The following ADAMTSL2 variants were observed in gnomAD, a reference collection of about 807,000 sequenced individuals.
The protein encoded by ADAMTSL2 is ADAMTS like 2.
A neutral mutation model predicts 117.0 loss-of-function variants in ADAMTSL2; 55 were observed. That is an observed-to-expected ratio of 0.47 (90% CI 0.38 to 0.59). The LOEUF is 0.59. ADAMTSL2 is among the 20% of genes least tolerant of loss of function. The pLI, the probability that ADAMTSL2 is intolerant of heterozygous loss-of-function variation, is 0.00. For missense variants in ADAMTSL2, 1,182 were observed against 1,354.5 expected, an observed-to-expected ratio of 0.87 and a Z score of 2.00; for synonymous variants, 572 against 566.4, an observed-to-expected ratio of 1.01 and a Z score of -0.14.
chr9:133,575,016 C>T lies in ADAMTSL2; in HGVS notation c.*152C>T, dbSNP rs971411039. On this transcript the variant is annotated 3_prime_UTR_variant, in exon 19 of 19. Coordinates refer to ENST00000651351, the MANE Select transcript of ADAMTSL2 (RefSeq NM_014694.4). Reference sequence around the variant, plus strand: ...TCGGCTGTCGAGAGGGGACTTCCCACGGCCCGTGGACCTTTGTGCTCCTGG... The same window carrying T: ...TCGGCTGTCGAGAGGGGACTTCCCATGGCCCGTGGACCTTTGTGCTCCTGG... The T allele has an allele frequency of 3.3e-5, 22 of 659,326 alleles. No homozygotes were observed. The highest frequency in any genetic ancestry group is 7.2e-5 in the African/African-American group (4 of 55,624). The allele number at this position is 659,326 out of a possible 1,614,324, so 40.8% of individuals were successfully genotyped here.
At chr9:133,551,918 C>G (rs1191461794) in intron 9 of ADAMTSL2, among the ~76,000 whole-genome samples, 1 of 151,424 alleles carries the variant, frequency 6.6e-6, no homozygotes, top group Admixed American at 6.6e-5. Context: ...CAACCTCCGC[C>G]TCCTAGGTTC....
rs1830665192 is a variant in ADAMTSL2, at chr9:133,558,852, G to A, written c.1650-2346G>A. Among the ~76,000 whole-genome samples the A allele has an allele frequency of 6.6e-6, 1 of 152,270 alleles. No individual in the cohort carries two copies. Among genetic ancestry groups the A allele is most frequent in the Non-Finnish European group, 1.5e-5 (1 of 68,046 alleles). On this transcript the variant is annotated intron_variant, in intron 11 of 18. Coordinates refer to ENST00000651351, the MANE Select transcript of ADAMTSL2 (RefSeq NM_014694.4). The surrounding 1 kb of genome is among the most constrained non-coding windows in gnomAD (Gnocchi z 4.3). ...AACGGAACCTGCTAGGCGTTGCATT[G>A]TTGTGCAAATATATGCAGGGTTATG...
At chr9:133,564,270 GAGAA>G (rs1313956369) in intron 12 of ADAMTSL2, among the ~76,000 whole-genome samples, 7 of 59,522 alleles carry the variant, frequency 1.2e-4, no homozygotes, top group Non-Finnish European at 2.1e-4. Flanking sequence ...GGGAGAGAGA[GAGAA>G]AGAGGGAGAG....
In ADAMTSL2 at chr9:133,555,972, G is replaced by A. The variant is rs1396239447; in HGVS notation, c.1649+42G>A. The A allele has an allele frequency of 1.6e-5, 25 of 1,598,564 alleles. No homozygotes were observed. In the East Asian group the frequency reaches 4.7e-4, roughly 30 times the overall value. ...TGAGCCCTGTCCAGGGCCCTCAGGG[G>A]GCAGGATGGGGCCGAGGCCAGGTAG... On this transcript the variant is annotated intron_variant, in intron 11 of 18. Transcript: ENST00000651351.
rs1195949368 is a variant in ADAMTSL2 at position 133,554,945 on chromosome 9, A to C, written c.1276+252A>C. ...GGGAGACTGAGGCTTAGAAAGAGGAAGTGGCTTGGCCAAGTCATGCAGTCC... is the reference window on the plus strand; with the variant it reads ...GGGAGACTGAGGCTTAGAAAGAGGACGTGGCTTGGCCAAGTCATGCAGTCC... On this transcript the variant is annotated intron_variant, in intron 10 of 18. Transcript: ENST00000651351. The surrounding 1 kb of genome is among the most constrained non-coding windows in gnomAD (Gnocchi z 5.2). Among the ~76,000 whole-genome samples, 1 of 152,122 alleles carries C rather than the reference A, an allele frequency of 6.6e-6. No individual in the cohort carries two copies. Among genetic ancestry groups the C allele is most frequent in the Non-Finnish European group, 1.5e-5 (1 of 68,016 alleles).
At chr9:133,536,105 C>A (rs1830044122) in intron 1 of ADAMTSL2, among the ~76,000 whole-genome samples, 1 of 152,230 alleles carries the variant, frequency 6.6e-6, no homozygotes, top group African/African-American at 2.4e-5. Context: ...CCGGCTGTTG[C>A]TGGATGCTGA....
intron 16 of ADAMTSL2, among the ~76,000 whole-genome samples, chr9:133,569,991 A>T (rs1831067164): frequency 6.6e-6 from 1 of 152,216 alleles, no homozygotes. Context: ...TGCTCTCCAC[A>T]AATTGCTTTC....
chr9:133,557,780 AG>A lies in ADAMTSL2; in HGVS notation c.1649+1852del, dbSNP rs762652723. 6.6e-6 allele frequency among the ~76,000 whole-genome samples: 1 copy of A among 152,218 alleles called. No homozygotes were observed. The highest frequency in any genetic ancestry group is 1.5e-5 in the Non-Finnish European group (1 of 68,036). Reference sequence around the variant, plus strand: ...GTGGCAGCAGTGGGGGGTGCCTTTCAGGACCCACTGCCTGGGTCAGGGAGGC... The same window carrying A: ...GTGGCAGCAGTGGGGGGTGCCTTTCAGACCCACTGCCTGGGTCAGGGAGGC... On this transcript the variant is annotated intron_variant, in intron 11 of 18. Coordinates refer to ENST00000651351, the MANE Select transcript of ADAMTSL2 (RefSeq NM_014694.4). The surrounding 1 kb of genome is among the most constrained non-coding windows in gnomAD (Gnocchi z 5.2).
chr9:133,564,131 A>G (rs1487710733), intron 12 of ADAMTSL2, among the ~76,000 whole-genome samples: 3 of 73,576 alleles, frequency 4.1e-5, no homozygotes, highest in African/African-American at 6.0e-5. Flanking sequence ...AGAGAGAGAG[A>G]GAGAGAGAGA....
rs1211636350 is a variant in ADAMTSL2, at chr9:133,564,605, AGG to A, written c.1748-2329_1748-2328del. The stretch of plus-strand genomic sequence containing the variant: ...GAAGGAGAGAGAGAGGGGGAGAGAG[AGG>A]GAGAGAGAGAGAGAGAGGGAGAGAG... On this transcript the variant is annotated intron_variant, in intron 12 of 18. Transcript: ENST00000651351. Among the ~76,000 whole-genome samples the A allele has an allele frequency of 3.5e-4, 15 of 42,836 alleles. 1 individual carries two copies. Among genetic ancestry groups the A allele is most frequent in the African/African-American group, 5.4e-4 (5 of 9,206 alleles). The allele number at this position is 42,836 out of a possible 152,430, so 28.1% of individuals were successfully genotyped here. A position where few individuals can be genotyped will look rare whatever the true frequency, so the allele number is the denominator to read the frequency against.
chr9:133,534,580 C>T, upstream of ADAMTSL2: 1 of 1,130,242 alleles, frequency 8.8e-7, no homozygotes, highest in Non-Finnish European at 1.1e-6. Context: ...TCCAGAGGCG[C>T]AGAGCGGGTT....
Position 133,566,934 on chromosome 9 carries a change from A to C in ADAMTSL2, c.1748-2A>C. On this transcript the variant is annotated splice_acceptor_variant, in intron 12 of 18. Transcript: ENST00000651351. LOFTEE classifies it high-confidence loss of function. Reference sequence around the variant, plus strand: ...ACAGACCCACCCCTGTCCCCAACCCAGGGGTCATGTCTGCGTACGCCATGT... The same window carrying C: ...ACAGACCCACCCCTGTCCCCAACCCCGGGGTCATGTCTGCGTACGCCATGT... The C allele has an allele frequency of 6.2e-7, 1 of 1,606,314 alleles. No homozygotes were observed. Among genetic ancestry groups the C allele is most frequent in the Non-Finnish European group, 8.5e-7 (1 of 1,177,062 alleles).
In ADAMTSL2 at chr9:133,554,633, G is replaced by A. The variant is rs1414881975; in HGVS notation, c.1216G>A (p.Val406Met). The A allele has an allele frequency of 8.4e-6, 13 of 1,541,622 alleles. No individual in the cohort carries two copies. Among genetic ancestry groups the A allele is most frequent in the South Asian group, 7.1e-5 (6 of 84,138 alleles). Residue 406 changes from valine to methionine, a missense_variant, in exon 10 of 19, where the codon GTG becomes ATG. Coordinates refer to ENST00000651351, the MANE Select transcript of ADAMTSL2 (RefSeq NM_014694.4). The surrounding 1 kb of genome is among the most constrained non-coding windows in gnomAD (Gnocchi z 5.2). ...GPSQGQETNE[V>M]CEQAGGGACE... ...CAGCCAGGGCCAGGAGACCAACGAG[G>A]TGTGCGAGCAGGCCGGCGGCGGGGC...
chr9:133,542,730 A>G (rs987923683), intron 7 of ADAMTSL2, among the ~76,000 whole-genome samples: 73 of 152,352 alleles, frequency 4.8e-4, no homozygotes, highest in African/African-American at 1.7e-3. Context: ...GAACCCAGGC[A>G]GCCTACTCTT....
At chr9:133,567,095 CG>C (rs1830991913) in intron 13 of ADAMTSL2, 33 bp downstream of exon 13, 27 of 1,586,170 alleles carry the variant, frequency 1.7e-5, no homozygotes, top group Non-Finnish European at 2.2e-5. Flanking sequence ...GGCAGGGGGT[CG>C]GCAGGGGGCG....
intron 1 of ADAMTSL2, among the ~76,000 whole-genome samples, chr9:133,535,468 G>A (rs1234058944): frequency 2.0e-5 from 3 of 152,162 alleles, no homozygotes; most frequent in African/African-American, 7.2e-5. Flanking sequence ...TGGTGTCCTT[G>A]GAGTGGCCCC....
At chr9:133,542,501 T>G (rs1488061673) in intron 7 of ADAMTSL2, among the ~76,000 whole-genome samples, 2 of 152,172 alleles carry the variant, frequency 1.3e-5, no homozygotes, top group African/African-American at 4.8e-5. Flanking sequence ...GCCTGAGAGA[T>G]AGGGCTCATG....
chr9:133,549,592 C>A (rs1830435887), intron 9 of ADAMTSL2, among the ~76,000 whole-genome samples: 2 of 148,176 alleles, frequency 1.3e-5, no homozygotes, highest in African/African-American at 2.5e-5. Flanking sequence ...GCTATGTTGT[C>A]CAGGCTGGTC....
chr9:133,535,799 G>T (rs975935944), intron 1 of ADAMTSL2, among the ~76,000 whole-genome samples: 3 of 152,138 alleles, frequency 2.0e-5, no homozygotes, highest in African/African-American at 7.2e-5. Context: ...CTGGACAGAG[G>T]TCATGGTGGA....
Sources: gnomAD v4.1 joint callset for allele counts (sites outside exome capture counted in the v4.1 genomes callset) on GRCh38, gnomAD v4.1.1 for gene constraint, Gnocchi (gnomAD v3.1) non-coding constraint, MANE v1.5 for transcripts, NCBI Gene and HGNC (gene_info 2026-07-23, HGNC 2026-07-21) for gene names.